Variants in NEDD4L observed in about 807,000 individuals in gnomAD.
NEDD4L encodes the protein E3 ubiquitin-protein ligase NEDD4-like.
In NEDD4L, 54 loss-of-function variants were observed where a neutral mutation model predicts 148.9. The observed-to-expected ratio is 0.36, with a 90% CI of 0.29 to 0.45. The LOEUF is 0.45. Ranked by LOEUF, NEDD4L falls within the 20% of genes least tolerant of loss-of-function variation. The probability of loss-of-function intolerance (pLI) is 1.00; values close to 1 mark genes in which losing one functional copy is unlikely to be tolerated. For synonymous variants in NEDD4L, 433 were observed against 440.7 expected (o/e 0.98, Z 0.22); for missense variants, 856 against 1,233.8 (o/e 0.69, Z 4.59).
At chr18:58,283,842 T>A (rs1195943668) in intron 5 of NEDD4L, among the ~76,000 whole-genome samples, 2 of 152,196 alleles carry the variant, frequency 1.3e-5, no homozygotes, top group Non-Finnish European at 2.9e-5. Flanking sequence ...CTCTTGCAGA[T>A]GGAGTCAAGT....
chr18:58,348,184 G>T (rs1431711375), intron 16 of NEDD4L, among the ~76,000 whole-genome samples: 1 of 151,954 alleles, frequency 6.6e-6, no homozygotes. Context: ...TTTTTGCAGA[G>T]ATATGGTTTT....
intron 2 of NEDD4L, among the ~76,000 whole-genome samples, chr18:58,200,381 G>A (rs1384755879): frequency 7.8e-6 from 1 of 128,560 alleles, no homozygotes; most frequent in Non-Finnish European, 1.6e-5. Flanking sequence ...GCTGGACAAT[G>A]GGACTTGTCC....
At chr18:58,048,679 A>T (rs1315113767) in intron 1 of NEDD4L, among the ~76,000 whole-genome samples, 1 of 152,180 alleles carries the variant, frequency 6.6e-6, no homozygotes, top group Non-Finnish European at 1.5e-5. Context: ...GCCCGATTTG[A>T]CCAGGAACCC....
chr18:58,334,051 C>G (rs927875106), intron 12 of NEDD4L, 159 bp downstream of exon 12: 1 of 496,726 alleles, frequency 2.0e-6, no homozygotes, highest in Admixed American at 3.8e-5. Flanking sequence ...AAGTGGATTT[C>G]CAATACAGAG....
At chr18:58,186,053 GCACAGAGAAGGATACATATGCACACGCA>G (rs1302776351) in intron 2 of NEDD4L, among the ~76,000 whole-genome samples, 3 of 151,046 alleles carry the variant, frequency 2.0e-5, no homozygotes, top group African/African-American at 4.9e-5. Context: ...ATGCACACGC[GCACAGAGAAGGATACATATGCACACGCA>G]CACAGAGAAG....
intron 2 of NEDD4L, among the ~76,000 whole-genome samples, chr18:58,206,453 G>T (rs942443095): frequency 1.3e-5 from 2 of 152,128 alleles, no homozygotes; most frequent in Admixed American, 6.6e-5. Context: ...GCTTGGTTCA[G>T]CCCAGCAACA....
chr18:58,279,009 T>TTATAGGCA (rs1189049569), intron 5 of NEDD4L, among the ~76,000 whole-genome samples: 1 of 152,074 alleles, frequency 6.6e-6, no homozygotes, highest in East Asian at 1.9e-4. Flanking sequence ...GTAGCCGGGA[T>TTATAGGCA]TATAGGCATG....
At chr18:58,178,142 C>T (rs1270702127) in intron 2 of NEDD4L, among the ~76,000 whole-genome samples, 2 of 152,246 alleles carry the variant, frequency 1.3e-5, no homozygotes, top group East Asian at 3.9e-4. Flanking sequence ...CATTGATTTT[C>T]TACAACATAT....
At chr18:58,100,114 C>T (rs945921792) in intron 1 of NEDD4L, among the ~76,000 whole-genome samples, 46 of 152,012 alleles carry the variant, frequency 3.0e-4, no homozygotes, top group South Asian at 2.1e-4. Context: ...TCCTCGGGCT[C>T]GGTAAAGGAA....
chr18:58,121,838 A>C (rs1016646003), intron 1 of NEDD4L, among the ~76,000 whole-genome samples: 2 of 152,250 alleles, frequency 1.3e-5, no homozygotes, highest in Non-Finnish European at 2.9e-5. Context: ...GAGGTCTGCC[A>C]TTTCTCTGCC....
intron 1 of NEDD4L, among the ~76,000 whole-genome samples, chr18:58,133,907 A>G (rs537308291): frequency 1.3e-4 from 20 of 152,356 alleles, no homozygotes; most frequent in Non-Finnish European, 2.1e-4. Context: ...TCATCCTCAT[A>G]ACAACTCTAG....
intron 5 of NEDD4L, among the ~76,000 whole-genome samples, chr18:58,274,314 G>A (rs766021784): frequency 6.6e-6 from 1 of 152,214 alleles, no homozygotes; most frequent in African/African-American, 2.4e-5. Context: ...TGTTAGTGAC[G>A]TATAACCAAA....
intron 1 of NEDD4L, among the ~76,000 whole-genome samples, chr18:58,122,433 G>A (rs1457237223): frequency 1.3e-5 from 2 of 152,170 alleles, no homozygotes; most frequent in Admixed American, 6.5e-5. Flanking sequence ...CCAGGAGGAG[G>A]TTCCAGTGAG....
In NEDD4L at chr18:58,383,792, G is replaced by A. The variant is rs73959610; in HGVS notation, c.2426+473G>A. Among the ~76,000 whole-genome samples the A allele has an allele frequency of 8.3e-3, 1,265 of 152,292 alleles. 16 individuals carry two copies. Among genetic ancestry groups the A allele is most frequent in the African/African-American group, 0.029 (1,205 of 41,560 alleles). On this transcript the variant is annotated intron_variant, in intron 25 of 30. Coordinates refer to ENST00000400345, the MANE Select transcript of NEDD4L (RefSeq NM_001144967.3). ...GTGCAACCCTAAGGAATTCTTTCTG[G>A]TATTTGTAATATTCTTAACTCAACT... is the stretch of plus-strand genomic sequence containing the variant.
intron 1 of NEDD4L, among the ~76,000 whole-genome samples, chr18:58,096,293 G>A (rs2084386631): frequency 6.6e-6 from 1 of 150,668 alleles, no homozygotes; most frequent in African/African-American, 2.4e-5. Flanking sequence ...GGCATTCTGT[G>A]GTCATCTTTA....
chr18:58,208,578 T>C (rs2042203146), intron 2 of NEDD4L, among the ~76,000 whole-genome samples: 1 of 152,206 alleles, frequency 6.6e-6, no homozygotes, highest in Admixed American at 6.5e-5. Context: ...ATTAAGAAAA[T>C]AGTAGCAGCT....
chr18:58,313,816 A>C (rs1412761929), intron 5 of NEDD4L, among the ~76,000 whole-genome samples: 1 of 152,232 alleles, frequency 6.6e-6, no homozygotes, highest in Non-Finnish European at 1.5e-5. Context: ...TAGAACTCAG[A>C]TGTCTCCCTG....
intron 1 of NEDD4L, among the ~76,000 whole-genome samples, chr18:58,142,045 T>A (rs966472350): frequency 8.1e-6 from 1 of 122,832 alleles, no homozygotes; most frequent in Non-Finnish European, 1.8e-5. Flanking sequence ...TCTTTCTTTT[T>A]TTTTTTTTTT....
chr18:58,125,836 G>T (rs1337393003), intron 1 of NEDD4L, among the ~76,000 whole-genome samples: 3 of 152,138 alleles, frequency 2.0e-5, no homozygotes, highest in Non-Finnish European at 4.4e-5. Flanking sequence ...CTTTTGATCC[G>T]GGGTCTTGGA....
Sources: allele counts gnomAD v4.1 joint callset (sites outside exome capture counted in the v4.1 genomes callset), GRCh38; gene constraint gnomAD v4.1.1; transcripts MANE v1.5; gene names NCBI Gene and HGNC (gene_info 2026-07-23, HGNC 2026-07-21).